The following GRM3 variants were observed in gnomAD, a reference collection of about 807,000 sequenced individuals.
GRM3 encodes the protein glutamate metabotropic receptor 3.
GRM3 carries 26 observed loss-of-function variants against 70.5 expected under a neutral mutation model. That is an observed-to-expected ratio of 0.37 (90% confidence interval 0.27 to 0.51). The LOEUF is 0.51. Ranked by LOEUF, GRM3 falls within the 20% of genes least tolerant of loss-of-function variation. The probability of loss-of-function intolerance (pLI) is 0.93; values close to 1 mark genes in which losing one functional copy is unlikely to be tolerated. For missense variants in GRM3, 859 were observed against 1,123.8 expected (o/e 0.76, Z 3.37); for synonymous variants, 443 against 434.9 (o/e 1.02, Z -0.23).
At chr7:86,809,456 A>G in intron 3 of GRM3, among the ~76,000 whole-genome samples, 1 of 151,974 alleles carries the variant, frequency 6.6e-6, no homozygotes, top group East Asian at 1.9e-4. Context: ...TACCTTCCTC[A>G]CAGCAAAATG....
At chr7:86,822,016 C>T (rs1248422957) in intron 3 of GRM3, among the ~76,000 whole-genome samples, 1 of 151,530 alleles carries the variant, frequency 6.6e-6, no homozygotes, top group Non-Finnish European at 1.5e-5. Flanking sequence ...AGTCATCAAG[C>T]AGGTTGATCT....
Position 86,780,964 on chromosome 7 carries a change from C to T in GRM3, c.469-5297C>T, listed in dbSNP as rs576827644. Reference sequence around the variant, plus strand: ...TCATTATAGTGAGAGGAATCCATTACGAGCTTGGATTGCAGAATGGACTGG... The same window carrying T: ...TCATTATAGTGAGAGGAATCCATTATGAGCTTGGATTGCAGAATGGACTGG... On this transcript the variant is annotated intron_variant, in intron 2 of 5. Transcript: ENST00000361669. Among the ~76,000 whole-genome samples, 8 of 152,246 alleles carry T rather than the reference C, an allele frequency of 5.3e-5. No homozygotes were observed. The South Asian group carries it at 1.0e-3, about 20-fold the overall frequency.
In GRM3 at chr7:86,643,991, C is replaced by A. The variant is rs1393380488; in HGVS notation, c.-1022C>A. On this transcript the variant is annotated 5_prime_UTR_variant, in exon 1 of 6. Coordinates refer to ENST00000361669, the MANE Select transcript of GRM3 (RefSeq NM_000840.3). Reference sequence around the variant, plus strand: ...CACACTCCCTCTCTGCTCCCGCTCTCCTAATCTCCTCTGGCATGCGGTCAG... The same window carrying A: ...CACACTCCCTCTCTGCTCCCGCTCTACTAATCTCCTCTGGCATGCGGTCAG... 6.5e-6 allele frequency: 1 copy of A among 153,012 alleles called. No individual in the cohort carries two copies. The highest frequency in any genetic ancestry group is 1.5e-5 in the Non-Finnish European group (1 of 68,762). The allele number at this position is 153,012 out of a possible 1,614,324, so 9.5% of individuals were successfully genotyped here.
intron 1 of GRM3, among the ~76,000 whole-genome samples, chr7:86,664,147 C>A (rs1029455709): frequency 4.6e-5 from 7 of 151,540 alleles, no homozygotes; most frequent in African/African-American, 1.7e-4. Flanking sequence ...CATAATTTTT[C>A]TTTTTTTTAA....
intron 1 of GRM3, among the ~76,000 whole-genome samples, chr7:86,762,536 TTTC>T (rs767474063): frequency 2.6e-5 from 4 of 152,160 alleles, no homozygotes; most frequent in Admixed American, 1.3e-4. Flanking sequence ...ATTGAGTTTT[TTTC>T]TTCCTTGGCA....
chr7:86,781,216 G>C (rs937162043), intron 2 of GRM3, among the ~76,000 whole-genome samples: 1 of 151,928 alleles, frequency 6.6e-6, no homozygotes, highest in African/African-American at 2.4e-5. Flanking sequence ...GAAAATACTA[G>C]GGATCTTTAA....
At chr7:86,807,675 A>G (rs1404249630) in intron 3 of GRM3, among the ~76,000 whole-genome samples, 3 of 152,128 alleles carry the variant, frequency 2.0e-5, no homozygotes, top group Non-Finnish European at 4.4e-5. Flanking sequence ...TAAATATACA[A>G]TCATGTCATC....
intron 4 of GRM3, among the ~76,000 whole-genome samples, chr7:86,843,149 C>G (rs1455801816): frequency 6.6e-6 from 1 of 152,136 alleles, no homozygotes; most frequent in Admixed American, 6.6e-5. Context: ...AAGAGGGAAA[C>G]AAACCTTCCT....
chr7:86,767,793 C>T (rs1796644846), intron 2 of GRM3, among the ~76,000 whole-genome samples: 1 of 151,734 alleles, frequency 6.6e-6, no homozygotes, highest in Non-Finnish European at 1.5e-5. Flanking sequence ...AGAAACTGTG[C>T]CCTGCAAATG....
intron 2 of GRM3, among the ~76,000 whole-genome samples, chr7:86,768,393 T>C (rs1412817330): frequency 6.6e-6 from 1 of 152,198 alleles, no homozygotes; most frequent in African/African-American, 2.4e-5. Flanking sequence ...ATTAAGCTCC[T>C]ACTGTGTGCA....
At chr7:86,668,082 G>T (rs553206202) in intron 1 of GRM3, among the ~76,000 whole-genome samples, 71 of 152,242 alleles carry the variant, frequency 4.7e-4, no homozygotes, top group Non-Finnish European at 7.6e-4. Context: ...AATTAAAAGT[G>T]ATTTCATTAG....
chr7:86,821,795 T>A (rs536948235), intron 3 of GRM3, among the ~76,000 whole-genome samples: 1 of 152,298 alleles, frequency 6.6e-6, no homozygotes, highest in East Asian at 1.9e-4. Flanking sequence ...GCATTCTTTG[T>A]CACCACGCTT....
At chr7:86,745,952 A>C (rs932331695) in intron 1 of GRM3, among the ~76,000 whole-genome samples, 1 of 149,576 alleles carries the variant, frequency 6.7e-6, no homozygotes, top group Non-Finnish European at 1.5e-5. Flanking sequence ...TAATGAGTTA[A>C]TGATGGAGAG....
intron 3 of GRM3, among the ~76,000 whole-genome samples, chr7:86,824,717 T>C (rs1159292012): frequency 2.0e-5 from 3 of 152,214 alleles, no homozygotes; most frequent in Non-Finnish European, 4.4e-5. Flanking sequence ...GGTGAAGTTT[T>C]GGATGTTAAC....
chr7:86,845,107 C>G (rs1798631091), intron 4 of GRM3, among the ~76,000 whole-genome samples: 1 of 152,090 alleles, frequency 6.6e-6, no homozygotes, highest in African/African-American at 2.4e-5. Context: ...CCAGGCTGGT[C>G]TCAAACTCCT....
intron 3 of GRM3, among the ~76,000 whole-genome samples, chr7:86,822,976 G>A (rs953193642): frequency 1.1e-4 from 16 of 152,062 alleles, no homozygotes; most frequent in African/African-American, 3.6e-4. Flanking sequence ...AGAAATTTCA[G>A]CTAACATCAC....
intron 3 of GRM3, among the ~76,000 whole-genome samples, chr7:86,802,009 CA>C (rs1797694106): frequency 6.6e-6 from 1 of 151,912 alleles, no homozygotes; most frequent in Admixed American, 6.6e-5. Flanking sequence ...AAGCTAAAAC[CA>C]ATTAAATTTT....
chr7:86,647,931 C>A (rs1202007104), intron 1 of GRM3, among the ~76,000 whole-genome samples: 1 of 152,132 alleles, frequency 6.6e-6, no homozygotes, highest in Non-Finnish European at 1.5e-5. Context: ...TAATGGTTCT[C>A]CCTATTAAGA....
At chr7:86,827,329 T>C (rs987998150) in intron 3 of GRM3, among the ~76,000 whole-genome samples, 1 of 152,154 alleles carries the variant, frequency 6.6e-6, no homozygotes, top group African/African-American at 2.4e-5. Flanking sequence ...AAATTGGAAA[T>C]TGGCATTAAA....
Sources: allele counts gnomAD v4.1 joint callset (sites outside exome capture counted in the v4.1 genomes callset), GRCh38; gene constraint gnomAD v4.1.1; transcripts MANE v1.5; gene names NCBI Gene and HGNC (gene_info 2026-07-23, HGNC 2026-07-21).